Variants in STK3 observed in about 807,000 individuals in gnomAD.
STK3 encodes the protein serine/threonine kinase 3, also known as serine/threonine-protein kinase 3.
Under a neutral mutation model 58.0 loss-of-function variants are expected in STK3, and 41 were observed. That is an observed-to-expected ratio of 0.71 (90% CI 0.55 to 0.92). The LOEUF is 0.92. Among genes scored for constraint, STK3 ranks in the 40% least tolerant of loss-of-function variants. The pLI is 0.00. For synonymous variants in STK3, 170 were observed against 191.0 expected, an observed-to-expected ratio of 0.89 and a Z score of 0.91; for missense variants, 479 against 602.7, an observed-to-expected ratio of 0.79 and a Z score of 2.15.
chr8:98,681,269 T>A (rs1823623601), intron 6 of STK3, among the ~76,000 whole-genome samples: 1 of 152,020 alleles, frequency 6.6e-6, no homozygotes, highest in Non-Finnish European at 1.5e-5. Flanking sequence ...AGTGCTGGGA[T>A]TACAGGCGTG....
intron 6 of STK3, among the ~76,000 whole-genome samples, chr8:98,704,987 G>A (rs529726848): frequency 6.6e-6 from 1 of 152,186 alleles, no homozygotes; most frequent in Non-Finnish European, 1.5e-5. Context: ...GATCAGAGAT[G>A]AAATAAGACT....
chr8:98,553,857 T>C (rs1811389172), intron 8 of STK3, among the ~76,000 whole-genome samples: 2 of 151,592 alleles, frequency 1.3e-5, no homozygotes, highest in African/African-American at 4.9e-5. Flanking sequence ...CCCAGCTACT[T>C]AGAAGGCTGA....
intron 1 of STK3, among the ~76,000 whole-genome samples, chr8:98,935,639 G>T (rs1009446894): frequency 6.6e-6 from 1 of 152,108 alleles, no homozygotes; most frequent in East Asian, 1.9e-4. Flanking sequence ...AGTAAAAAAT[G>T]AAAATGTAGA....
At chr8:98,429,231 C>G (rs149723156) in intron 3 of STK3, 8 of 1,614,022 alleles carry the variant, frequency 5.0e-6, no homozygotes, top group Non-Finnish European at 6.8e-6. Context: ...CCACTTTTAC[C>G]GGCGCCAAAA....
upstream of STK3, among the ~76,000 whole-genome samples, chr8:98,826,759 T>C (rs1259493425): frequency 1.4e-5 from 2 of 143,560 alleles, no homozygotes; most frequent in Non-Finnish European, 3.0e-5. Context: ...GCGCGGTGGC[T>C]CACGCCTGTA....
downstream of STK3, among the ~76,000 whole-genome samples, chr8:98,452,156 AC>A (rs1337204791): frequency 6.6e-6 from 1 of 152,218 alleles, no homozygotes; most frequent in Non-Finnish European, 1.5e-5. Context: ...AAGTTAAAAA[AC>A]ATCTTATTAA....
At chr8:98,697,768 T>C (rs554708257) in intron 6 of STK3, among the ~76,000 whole-genome samples, 1 of 152,306 alleles carries the variant, frequency 6.6e-6, no homozygotes, top group South Asian at 2.1e-4. Context: ...GAGGAGAGCT[T>C]TACTTCCTGT....
chr8:98,845,278 T>A (rs563156315), intron 3 of STK3, among the ~76,000 whole-genome samples: 1 of 152,370 alleles, frequency 6.6e-6, no homozygotes, highest in Non-Finnish European at 1.5e-5. Flanking sequence ...CTTATGTGCT[T>A]ACTTGATTTT....
intron 6 of STK3, among the ~76,000 whole-genome samples, chr8:98,697,970 G>A (rs891049165): frequency 2.0e-5 from 3 of 152,106 alleles, no homozygotes; most frequent in African/African-American, 4.8e-5. Context: ...GGGTGTTAAA[G>A]TCTCCCATTA....
chr8:98,628,873 G>A (rs1444055202), intron 6 of STK3, among the ~76,000 whole-genome samples: 6 of 146,906 alleles, frequency 4.1e-5, no homozygotes, highest in African/African-American at 1.3e-4. Flanking sequence ...AGACAGTGAC[G>A]AAGGTAAAGG....
chr8:98,502,776 C>T (rs928815359), intron 10 of STK3, among the ~76,000 whole-genome samples: 2 of 152,104 alleles, frequency 1.3e-5, no homozygotes, highest in Non-Finnish European at 2.9e-5. Context: ...GGTGGATAAG[C>T]TTTTTGATGT....
intron 1 of STK3, chr8:98,905,714 C>A (rs760596466): frequency 8.6e-5 from 53 of 613,376 alleles, no homozygotes; most frequent in Non-Finnish European, 1.5e-4. Flanking sequence ...GTAGCTCCTG[C>A]GTCAGAGAGA....
At chr8:98,511,957 ATTTT>A (rs1301331227) in intron 10 of STK3, among the ~76,000 whole-genome samples, 1 of 150,874 alleles carries the variant, frequency 6.6e-6, no homozygotes, top group East Asian at 1.9e-4. Flanking sequence ...CACTTGCATA[ATTTT>A]TTTTTTAAAT....
At chr8:98,523,690 G>T (rs1171570672) in intron 10 of STK3, among the ~76,000 whole-genome samples, 1 of 151,826 alleles carries the variant, frequency 6.6e-6, no homozygotes, top group Non-Finnish European at 1.5e-5. Context: ...GCCCATTTCT[G>T]AAATGGACTG....
chr8:98,911,401 T>TATTC (rs1839127788), intron 1 of STK3, among the ~76,000 whole-genome samples: 1 of 152,072 alleles, frequency 6.6e-6, no homozygotes, highest in Non-Finnish European at 1.5e-5. Context: ...TTTATTTATT[T>TATTC]ATTTATTTTG....
intron 1 of STK3, among the ~76,000 whole-genome samples, chr8:98,926,470 C>T (rs932487561): frequency 6.6e-6 from 1 of 152,092 alleles, no homozygotes; most frequent in Non-Finnish European, 1.5e-5. Context: ...GTTTATCATA[C>T]CCCGTGATGC....
chr8:98,449,018 G>A (rs1267264037), intron 1 of STK3, among the ~76,000 whole-genome samples: 5 of 152,244 alleles, frequency 3.3e-5, no homozygotes, highest in African/African-American at 1.2e-4. Context: ...TGGTAAGCTT[G>A]AATCAGTTTT....
intron 1 of STK3, among the ~76,000 whole-genome samples, chr8:98,897,035 GAAAT>G (rs1587817594): frequency 6.6e-6 from 1 of 151,494 alleles, no homozygotes; most frequent in Non-Finnish European, 1.5e-5. Context: ...GAGAAAGAAA[GAAAT>G]AAGAAAAGCT....
At chr8:98,839,421 T>C (rs1479431173) in intron 3 of STK3, among the ~76,000 whole-genome samples, 1 of 152,120 alleles carries the variant, frequency 6.6e-6, no homozygotes, top group Non-Finnish European at 1.5e-5. Flanking sequence ...GTGGGAGAAG[T>C]AAAGGGAGAA....
Sources: gnomAD v4.1 joint callset for allele counts (sites outside exome capture counted in the v4.1 genomes callset) on GRCh38, gnomAD v4.1.1 for gene constraint, MANE v1.5 for transcripts, NCBI Gene and HGNC (gene_info 2026-07-23, HGNC 2026-07-21) for gene names.